Variants in PRR14L observed in about 807,000 individuals in gnomAD.
PRR14L encodes proline rich 14 like.
In PRR14L, 80 loss-of-function variants were observed where a neutral mutation model predicts 155.0. The ratio of observed to expected loss-of-function variants is 0.52; its 90% CI spans 0.43 to 0.62. The LOEUF is 0.62. Ranked by LOEUF, PRR14L falls within the 20% of genes least tolerant of loss-of-function variation. The pLI, the probability that PRR14L is intolerant of heterozygous loss-of-function variation, is 0.00. For missense variants in PRR14L, 2,469 were observed against 2,548.0 expected, an observed-to-expected ratio of 0.97 and a Z score of 0.67; for synonymous variants, 883 against 916.0, an observed-to-expected ratio of 0.96 and a Z score of 0.65.
intron 3 of PRR14L, among the ~76,000 whole-genome samples, chr22:31,723,254 A>C (rs76763544): frequency 0.012 from 1,853 of 152,318 alleles, 34 homozygotes; most frequent in African/African-American, 0.041. Flanking sequence ...AAGTCATTAA[A>C]TAAGCATGAT....
At chr22:31,709,614 C>T (rs2074610771) in intron 4 of PRR14L, among the ~76,000 whole-genome samples, 1 of 142,394 alleles carries the variant, frequency 7.0e-6, no homozygotes, top group South Asian at 2.3e-4. Context: ...GATCTCGGGT[C>T]ACTGCAACCT....
rs1333833841 is a variant in PRR14L, at chr22:31,716,108, T to C, written c.1731A>G (p.Pro577=). 6.4e-6 allele frequency: 10 copies of C among 1,551,278 alleles called. No individual in the cohort carries two copies. The highest frequency in any genetic ancestry group is 6.1e-6 in the Non-Finnish European group (7 of 1,146,872). The part of the protein sequence containing the change: ...FERKSIVSLM[P]EDQISPVSEV... ...CACTTACAGGACTTATTTGATCCTCTGGCATTAAACTCACAATGGATTTTC... is the reference window on the plus strand; with the variant it reads ...CACTTACAGGACTTATTTGATCCTCCGGCATTAAACTCACAATGGATTTTC... The change falls in exon 4 of 9, where the codon CCA becomes CCG. Residue 577 remains proline (P), a synonymous_variant. Coordinates refer to ENST00000327423, the MANE Select transcript of PRR14L (RefSeq NM_173566.3).
At chr22:31,704,932 T>G (rs1323356186) in intron 4 of PRR14L, among the ~76,000 whole-genome samples, 1 of 152,142 alleles carries the variant, frequency 6.6e-6, no homozygotes, top group African/African-American at 2.4e-5. Flanking sequence ...GAAGATTATT[T>G]TCTAACTTGA....
chr22:31,745,342 A>G (rs931966890), intron 1 of PRR14L, among the ~76,000 whole-genome samples: 1 of 152,152 alleles, frequency 6.6e-6, no homozygotes, highest in African/African-American at 2.4e-5. Context: ...GTGCCACTGC[A>G]CTCCAGCCTG....
At chr22:31,734,430 G>C (rs2074767602) in intron 2 of PRR14L, among the ~76,000 whole-genome samples, 1 of 152,176 alleles carries the variant, frequency 6.6e-6, no homozygotes, top group Admixed American at 6.5e-5. Context: ...TGTCAATATA[G>C]CAAGAGCTCT....
At chr22:31,717,550 G>A (rs1467981490) in intron 3 of PRR14L, among the ~76,000 whole-genome samples, 1 of 152,102 alleles carries the variant, frequency 6.6e-6, no homozygotes, top group East Asian at 1.9e-4. Flanking sequence ...ACAGATCAAT[G>A]CTGGACAACT....
chr22:31,685,450 C>CAAAAAAAAAAAAAAAAACCAAAAAAAA lies in PRR14L; in HGVS notation c.*76_*77insTTTTTTTTGGTTTTTTTTTTTTTTTTT. On this transcript the variant is annotated 3_prime_UTR_variant, in exon 9 of 9. Coordinates refer to ENST00000327423, the MANE Select transcript of PRR14L (RefSeq NM_173566.3). ...TTAGGCAACCTTTTCCAAGGAGGTC[C>CAAAAAAAAAAAAAAAAACCAAAAAAAA]AAAAAAAAAAAAAAAACCCAAAAAC... 1 of 1,105,838 alleles carries CAAAAAAAAAAAAAAAAACCAAAAAAAA rather than the reference C, an allele frequency of 9.0e-7. No individual in the cohort carries two copies. Among genetic ancestry groups the CAAAAAAAAAAAAAAAAACCAAAAAAAA allele is most frequent in the Non-Finnish European group, 1.2e-6 (1 of 816,324 alleles). 68.5% of individuals were successfully genotyped at this position (1,105,838 alleles called of 1,614,324 possible). A position where few individuals can be genotyped will look rare whatever the true frequency, so the allele number is the denominator to read the frequency against.
intron 2 of PRR14L, among the ~76,000 whole-genome samples, chr22:31,730,804 T>C (rs1368831788): frequency 6.6e-6 from 1 of 152,218 alleles, no homozygotes; most frequent in African/African-American, 2.4e-5. Flanking sequence ...ATTCCATATA[T>C]ATTAATTGGA....
Position 31,716,924 on chromosome 22 carries a change from G to C in PRR14L, c.915C>G (p.Val305=), listed in dbSNP as rs559689571. 8 of 1,552,040 alleles carry C rather than the reference G, an allele frequency of 5.2e-6. No individual in the cohort carries two copies. In the Admixed American group the frequency reaches 9.8e-5, roughly 19 times the overall value. ...GKEELCKPNL[V]CEADDNHQQL... Reference sequence around the variant, plus strand: ...GTTGGTGATTGTCATCTGCTTCACAGACCAGGTTTGGTTTACACAACTCTT... The same window carrying C: ...GTTGGTGATTGTCATCTGCTTCACACACCAGGTTTGGTTTACACAACTCTT... Residue 305 remains valine, a synonymous_variant, in exon 4 of 9, where the codon GTC becomes GTG. Coordinates refer to ENST00000327423, the MANE Select transcript of PRR14L (RefSeq NM_173566.3).
chr22:31,707,275 G>A (rs1249619709), intron 4 of PRR14L, among the ~76,000 whole-genome samples: 1 of 152,150 alleles, frequency 6.6e-6, no homozygotes, highest in East Asian at 1.9e-4. Flanking sequence ...GGGAAAGAAA[G>A]AGCTCTCGAA....
rs1162819822 is a variant in PRR14L at position 31,733,298 on chromosome 22, GTTTTTTTTTT to G, written c.474+5079_474+5088del. On this transcript the variant is annotated intron_variant, in intron 2 of 8. Coordinates refer to ENST00000327423, the MANE Select transcript of PRR14L (RefSeq NM_173566.3). ...GTGTGAGCCACCGCGCCTGGCCACTGTTTTTTTTTTTTTTTTTTTTTTTTGAGACGGAGTC... is the reference window on the plus strand; with the variant it reads ...GTGTGAGCCACCGCGCCTGGCCACTGTTTTTTTTTTTTTTGAGACGGAGTC... 9.4e-5 allele frequency among the ~76,000 whole-genome samples: 6 copies of G among 64,032 alleles called. 1 individual carries two copies. Among genetic ancestry groups the G allele is most frequent in the African/African-American group, 2.2e-4 (3 of 13,484 alleles). The allele number at this position is 64,032 out of a possible 152,430, so 42.0% of individuals were successfully genotyped here. A position where few individuals can be genotyped will look rare whatever the true frequency, so the allele number is the denominator to read the frequency against.
rs952576987 is a variant in PRR14L at position 31,712,762 on chromosome 22, G to C, written c.5077C>G (p.Leu1693Val). 4.5e-6 allele frequency: 7 copies of C among 1,551,792 alleles called. No homozygotes were observed. The Admixed American group carries it at 1.2e-4, about 26-fold the overall frequency. Reference sequence around the variant, plus strand: ...ATGAAGGTCATCTTGATGGATTCGAGAGAATAAAGTGCCATGGGCTTACTG... The same window carrying C: ...ATGAAGGTCATCTTGATGGATTCGACAGAATAAAGTGCCATGGGCTTACTG... ...PNSKPMALYS[L>V]ESIKMTFIDL... The change falls in exon 4 of 9, where the codon CTC becomes GTC. Residue 1693 changes from leucine (L) to valine (V), a missense_variant. Physicochemically the swap from Leu to Val is conservative, Grantham distance 32. Around this residue, in one of 2 missense-constraint regions of PRR14L, gnomAD observed 2,363 missense variants for 2,371.6 expected, o/e 1.00. Coordinates refer to ENST00000327423, the MANE Select transcript of PRR14L (RefSeq NM_173566.3).
At chr22:31,730,923 A>T (rs780156435) in intron 2 of PRR14L, among the ~76,000 whole-genome samples, 1 of 152,194 alleles carries the variant, frequency 6.6e-6, no homozygotes, top group Non-Finnish European at 1.5e-5. Context: ...TGGGTACTAC[A>T]GGTTGCTGCA....
At position 31,712,483 on chromosome 22, in the gene PRR14L, T is replaced by C. The variant is rs949456041; in HGVS notation, c.5356A>G (p.Ser1786Gly). 1 of 1,552,480 alleles carries C rather than the reference T, an allele frequency of 6.4e-7. No homozygotes were observed. The highest frequency in any genetic ancestry group is 8.7e-7 in the Non-Finnish European group (1 of 1,147,288). Reference sequence around the variant, plus strand: ...GGAGGAGCCTGAGTGTGGGTCTGACTATGGACGCCAGTGTCTTCCCTGAAT... The same window carrying C: ...GGAGGAGCCTGAGTGTGGGTCTGACCATGGACGCCAGTGTCTTCCCTGAAT... Reference protein sequence around the residue: ...ATFREDTGVHSQTHTQAPPQP... With the variant: ...ATFREDTGVHGQTHTQAPPQP... The change falls in exon 4 of 9, where the codon AGT (serine) becomes GGT (glycine). Residue 1786 changes from serine (S) to glycine (G), a missense_variant. This residue lies in a region of PRR14L where 2,363 missense variants were observed against 2,371.6 expected (regional missense o/e 1.00). Transcript: ENST00000327423.
chr22:31,708,570 G>T (rs957446824), intron 4 of PRR14L, among the ~76,000 whole-genome samples: 1 of 151,902 alleles, frequency 6.6e-6, no homozygotes, highest in Admixed American at 6.6e-5. Context: ...CAGATGATTC[G>T]CCCGCCTTGG....
intron 2 of PRR14L, among the ~76,000 whole-genome samples, chr22:31,736,388 A>G (rs2074781876): frequency 6.8e-6 from 1 of 147,176 alleles, no homozygotes; most frequent in South Asian, 2.1e-4. Flanking sequence ...CTCTGTCTCA[A>G]AAAAAAAAAA....
intron 7 of PRR14L, among the ~76,000 whole-genome samples, chr22:31,694,358 C>A (rs1351481848): frequency 6.6e-6 from 1 of 152,000 alleles, no homozygotes; most frequent in East Asian, 1.9e-4. Flanking sequence ...GCGTGAGCTA[C>A]CACGCCCGGC....
Position 31,738,880 on chromosome 22 carries a change from G to A in PRR14L, c.-20C>T. On this transcript the variant is annotated 5_prime_UTR_variant, in exon 2 of 9. Transcript: ENST00000327423. ...CAGCATTAGGACAGATGCAGATTAT[G>A]GAGTCAAGTCTTTTACATCAAATGA... is the stretch of plus-strand genomic sequence containing the variant. 2.1e-6 allele frequency: 3 copies of A among 1,460,922 alleles called. No individual in the cohort carries two copies. Among genetic ancestry groups the A allele is most frequent in the Non-Finnish European group, 2.8e-6 (3 of 1,083,330 alleles). 90.5% of individuals were successfully genotyped at this position (1,460,922 alleles called of 1,614,324 possible).
At chr22:31,739,355 T>A (rs903617792) in intron 1 of PRR14L, among the ~76,000 whole-genome samples, 1 of 152,194 alleles carries the variant, frequency 6.6e-6, no homozygotes, top group African/African-American at 2.4e-5. Flanking sequence ...TGAATGAATA[T>A]ATACTGAGGA....
Sources: gnomAD v4.1 joint callset for allele counts (sites outside exome capture counted in the v4.1 genomes callset) on GRCh38, gnomAD v4.1.1 for gene constraint, gnomAD v4.1.1 regional missense constraint, MANE v1.5 for transcripts, NCBI Gene and HGNC (gene_info 2026-07-23, HGNC 2026-07-21) for gene names.